YPEL2: variants seen among roughly 807,000 people sequenced by gnomAD.
The protein encoded by YPEL2 is protein yippee-like 2.
A neutral mutation model predicts 19.1 loss-of-function variants in YPEL2; 2 were observed. The observed-to-expected ratio is 0.10, with a 90% CI of 0.04 to 0.33. The LOEUF (loss-of-function observed/expected upper bound fraction) is 0.33. YPEL2 is among the 10% of genes least tolerant of loss of function. YPEL2 has a pLI of 1.00. For missense variants in YPEL2, 66 were observed against 140.7 expected, an observed-to-expected ratio of 0.47 and a Z score of 2.68; for synonymous variants, 52 against 50.0, an observed-to-expected ratio of 1.04 and a Z score of -0.17.
At chr17:59,358,670 C>T in intron 2 of YPEL2, among the ~76,000 whole-genome samples, 1 of 151,920 alleles carries the variant, frequency 6.6e-6, no homozygotes. Flanking sequence ...AGTACAGTGG[C>T]ACAATCTTGA....
chr17:59,370,077 G>T (rs2147947832), intron 2 of YPEL2, among the ~76,000 whole-genome samples: 1 of 152,292 alleles, frequency 6.6e-6, no homozygotes, highest in African/African-American at 2.4e-5. Context: ...TTCTTTTTGA[G>T]ACGGAGTCTC....
intron 2 of YPEL2, chr17:59,354,543 G>A (rs1017543968): frequency 1.3e-5 from 2 of 152,224 alleles, no homozygotes; most frequent in Non-Finnish European, 2.9e-5. Context: ...GTCAGCTCTT[G>A]TAGAACAGTC....
At chr17:59,382,529 C>G (rs751096671) in intron 2 of YPEL2, among the ~76,000 whole-genome samples, 2 of 152,208 alleles carry the variant, frequency 1.3e-5, no homozygotes, top group Non-Finnish European at 2.9e-5. Context: ...TGAGCATAAA[C>G]TCCTAATATA....
intron 2 of YPEL2, chr17:59,363,145 TA>T (rs1218000623): frequency 6.7e-6 from 1 of 149,154 alleles, no homozygotes; most frequent in Non-Finnish European, 1.5e-5. Flanking sequence ...TTTCTATGTA[TA>T]TATAGATATA....
chr17:59,386,044 CG>C (rs1411977578), intron 2 of YPEL2, among the ~76,000 whole-genome samples: 1 of 152,054 alleles, frequency 6.6e-6, no homozygotes, highest in Non-Finnish European at 1.5e-5. Context: ...GAAAACAGGC[CG>C]GGTGCGGTGG....
chr17:59,368,864 T>C (rs2047883341), intron 2 of YPEL2, among the ~76,000 whole-genome samples: 1 of 152,214 alleles, frequency 6.6e-6, no homozygotes, highest in Admixed American at 6.5e-5. Flanking sequence ...CCATGTATCC[T>C]TGAGCTTTGT....
chr17:59,332,149 G>A (rs995316956), intron 1 of YPEL2, among the ~76,000 whole-genome samples: 25 of 152,106 alleles, frequency 1.6e-4, no homozygotes, highest in Admixed American at 1.4e-3. Flanking sequence ...GGTTTGGGGC[G>A]GGGGTGCGGA....
Position 59,353,366 on chromosome 17 carries a change from C to A in YPEL2, c.-44C>A. Reference sequence around the variant, plus strand: ...CCGTGCGACCCATCCTGTGGGAGTGCCTCGTGGGCTGCCCCAGAGTTCACC... The same window carrying A: ...CCGTGCGACCCATCCTGTGGGAGTGACTCGTGGGCTGCCCCAGAGTTCACC... On this transcript the variant is annotated 5_prime_UTR_variant, in exon 2 of 5. Coordinates refer to ENST00000312655, the MANE Select transcript of YPEL2 (RefSeq NM_001005404.4). This position sits in a 1 kb window ranked among gnomAD's most constrained non-coding sequence, Gnocchi z 4.8. 7.0e-7 allele frequency: 1 copy of A among 1,420,944 alleles called. No homozygotes were observed. The highest frequency in any genetic ancestry group is 9.7e-7 in the Non-Finnish European group (1 of 1,035,610). The allele number at this position is 1,420,944 out of a possible 1,614,324, so 88.0% of individuals were successfully genotyped here. A position where few individuals can be genotyped will look rare whatever the true frequency, so the allele number is the denominator to read the frequency against.
At chr17:59,397,046 T>C (rs1193765825) in intron 4 of YPEL2, 55 bp from the exon 5 acceptor site, 2 of 1,401,042 alleles carry the variant, frequency 1.4e-6, no homozygotes, top group Non-Finnish European at 2.0e-6. Flanking sequence ...AAAAAAAAAA[T>C]CATTTTCTTG....
At chr17:59,339,444 T>G (rs1226181347) in intron 1 of YPEL2, among the ~76,000 whole-genome samples, 1 of 152,208 alleles carries the variant, frequency 6.6e-6, no homozygotes, top group African/African-American at 2.4e-5. Context: ...GCCTAATCTG[T>G]TGTCCCACCT....
chr17:59,349,716 A>G (rs1343723253), intron 1 of YPEL2, among the ~76,000 whole-genome samples: 1 of 152,026 alleles, frequency 6.6e-6, no homozygotes, highest in Non-Finnish European at 1.5e-5. Flanking sequence ...ACTGGAGTGC[A>G]GTGGCACGAT....
chr17:59,339,838 G>A (rs2047718870), intron 1 of YPEL2, among the ~76,000 whole-genome samples: 1 of 152,080 alleles, frequency 6.6e-6, no homozygotes, highest in Non-Finnish European at 1.5e-5. Context: ...ATTGAGATAT[G>A]ACCCCTCATA....
intron 2 of YPEL2, among the ~76,000 whole-genome samples, chr17:59,376,016 T>C (rs1294380749): frequency 6.6e-6 from 1 of 152,238 alleles, no homozygotes. Context: ...CTCCTCTGTC[T>C]TGGAGGTTTT....
chr17:59,360,319 T>G (rs2047834526), intron 2 of YPEL2, among the ~76,000 whole-genome samples: 2 of 152,204 alleles, frequency 1.3e-5, no homozygotes, highest in African/African-American at 4.8e-5. Context: ...CTTCAAGTTA[T>G]CTGCCTGCCT....
In YPEL2 at chr17:59,400,753, C is replaced by T. The variant is rs934194689; in HGVS notation, c.*3563C>T. On this transcript the variant is annotated 3_prime_UTR_variant, in exon 5 of 5. Coordinates refer to ENST00000312655, the MANE Select transcript of YPEL2 (RefSeq NM_001005404.4). The stretch of plus-strand genomic sequence containing the variant: ...TTTTAGTTGTGCGTGTGCGCGCACA[C>T]GTGTGTAAAAAGCACTTTCGATTGT... 3.3e-5 allele frequency: 5 copies of T among 152,506 alleles called. No individual in the cohort carries two copies. Among genetic ancestry groups the T allele is most frequent in the African/African-American group, 9.7e-5 (4 of 41,402 alleles). 9.4% of individuals were successfully genotyped at this position (152,506 alleles called of 1,614,324 possible). A position where few individuals can be genotyped will look rare whatever the true frequency, so the allele number is the denominator to read the frequency against.
At chr17:59,363,157 T>C (rs1387124332) in intron 2 of YPEL2, 1 of 151,474 alleles carries the variant, frequency 6.6e-6, no homozygotes, top group Admixed American at 6.6e-5. Context: ...TATAGATATA[T>C]ATATAGAGAG....
At chr17:59,376,949 C>CA (rs59030676) in intron 2 of YPEL2, among the ~76,000 whole-genome samples, 1,899 of 48,404 alleles carry the variant, frequency 0.039, 162 homozygotes, top group Non-Finnish European at 0.06. Flanking sequence ...CACACTGTCT[C>CA]AAAAAAAAAA....
intron 2 of YPEL2, among the ~76,000 whole-genome samples, chr17:59,380,574 CTT>C (rs2047944280): frequency 2.0e-5 from 3 of 152,168 alleles, no homozygotes; most frequent in Admixed American, 1.3e-4. Context: ...CCAGCCCTAA[CTT>C]ATCTTTTACA....
In YPEL2 at chr17:59,398,549, G is replaced by A. The variant is rs1380543855; in HGVS notation, c.*1359G>A. 6.6e-6 allele frequency: 1 copy of A among 152,128 alleles called. No homozygotes were observed. The highest frequency in any genetic ancestry group is 1.9e-4 in the East Asian group (1 of 5,200). The allele number at this position is 152,128 out of a possible 1,614,324, so 9.4% of individuals were successfully genotyped here. Reference sequence around the variant, plus strand: ...CCCCCATCCAAGCATCCTTCGATTAGGGAAGTGGAGAGCACATCCCTGTAA... The same window carrying A: ...CCCCCATCCAAGCATCCTTCGATTAAGGAAGTGGAGAGCACATCCCTGTAA... On this transcript the variant is annotated 3_prime_UTR_variant, in exon 5 of 5. Transcript: ENST00000312655.
Sources: gnomAD v4.1 joint callset for allele counts (sites outside exome capture counted in the v4.1 genomes callset) on GRCh38, gnomAD v4.1.1 for gene constraint, Gnocchi (gnomAD v3.1) non-coding constraint, MANE v1.5 for transcripts, NCBI Gene and HGNC (gene_info 2026-07-23, HGNC 2026-07-21) for gene names.